SCML4: variants seen among roughly 807,000 people sequenced by gnomAD.
The protein encoded by SCML4 is Scm polycomb group protein like 4, also known as sex comb on midleg-like protein 4.
A neutral mutation model predicts 41.1 loss-of-function variants in SCML4; 34 were observed. The ratio of observed to expected loss-of-function variants is 0.83; its 90% confidence interval spans 0.63 to 1.10. The LOEUF is 1.10. Ranked by LOEUF, SCML4 falls within the 50% of genes least tolerant of loss-of-function variation. The probability of loss-of-function intolerance (pLI) is 0.00; values close to 1 mark genes in which losing one functional copy is unlikely to be tolerated. For missense variants in SCML4, 522 were observed against 534.1 expected (o/e 0.98, Z 0.22); for synonymous variants, 214 against 220.9 (o/e 0.97, Z 0.28).
intron 5 of SCML4, among the ~76,000 whole-genome samples, chr6:107,739,383 A>G (rs1249761652): frequency 6.6e-6 from 1 of 151,590 alleles, no homozygotes; most frequent in South Asian, 2.1e-4. Flanking sequence ...CTTTTTTTCT[A>G]CCAAAAACAT....
At chr6:107,739,499 G>A (rs1458483207) in intron 5 of SCML4, among the ~76,000 whole-genome samples, 1 of 151,960 alleles carries the variant, frequency 6.6e-6, no homozygotes, top group Admixed American at 6.6e-5. Context: ...AGCCCTTTAG[G>A]TGCATGGCAC....
At chr6:107,839,406 A>G in the SCML4 span, among the ~76,000 whole-genome samples, 1 of 146,582 alleles carries the variant, frequency 6.8e-6, no homozygotes, top group Non-Finnish European at 1.5e-5. Flanking sequence ...AGAAAGAAAG[A>G]AAGAGGAAGA....
chr6:107,776,592 C>T (rs1780970066), intron 1 of SCML4, among the ~76,000 whole-genome samples: 1 of 152,174 alleles, frequency 6.6e-6, no homozygotes, highest in South Asian at 2.1e-4. Context: ...TGGTGAGGGG[C>T]TGATGCAATG....
At chr6:107,840,456 T>C in the SCML4 span, among the ~76,000 whole-genome samples, 5 of 152,350 alleles carry the variant, frequency 3.3e-5, no homozygotes, top group South Asian at 8.3e-4. Context: ...TAACCTATGA[T>C]AGCTGAAACA....
intron 1 of SCML4, among the ~76,000 whole-genome samples, chr6:107,781,574 A>C (rs1472914212): frequency 2.0e-5 from 3 of 151,990 alleles, no homozygotes; most frequent in Admixed American, 6.6e-5. Context: ...TGGAGCCTGG[A>C]AAGTTGACAC....
At chr6:107,825,390 G>A (rs1785212213), upstream of SCML4, among the ~76,000 whole-genome samples, 1 of 152,182 alleles carries the variant, frequency 6.6e-6, no homozygotes, top group South Asian at 2.1e-4. Flanking sequence ...ACAACTTGAG[G>A]TTTCTCTAAA....
intron 1 of SCML4, among the ~76,000 whole-genome samples, chr6:107,813,318 G>A (rs1015595185): frequency 1.4e-5 from 2 of 143,824 alleles, no homozygotes; most frequent in African/African-American, 5.3e-5. Context: ...AGCTGAGATC[G>A]TGCTACTACA....
intron 1 of SCML4, among the ~76,000 whole-genome samples, chr6:107,818,741 G>T (rs1049231336): frequency 9.8e-5 from 15 of 152,336 alleles, no homozygotes; most frequent in African/African-American, 3.6e-4. Flanking sequence ...TTTCTCTTCG[G>T]TTCTTCCTTT....
intron 1 of SCML4, among the ~76,000 whole-genome samples, chr6:107,776,739 G>C (rs749187933): frequency 2.6e-5 from 4 of 152,128 alleles, no homozygotes; most frequent in Non-Finnish European, 4.4e-5. Flanking sequence ...CCTAAAAAAA[G>C]AATCTGACAA....
At chr6:107,782,593 C>T (rs1781593192) in intron 1 of SCML4, among the ~76,000 whole-genome samples, 1 of 152,262 alleles carries the variant, frequency 6.6e-6, no homozygotes, top group African/African-American at 2.4e-5. Context: ...TGTTGTTCCC[C>T]TAGTTCCTGT....
intron 2 of SCML4, among the ~76,000 whole-genome samples, chr6:107,760,202 G>A (rs950497611): frequency 2.6e-5 from 4 of 152,122 alleles, no homozygotes; most frequent in Non-Finnish European, 5.9e-5. Context: ...CTGGTAAGAT[G>A]GAAAACTGGT....
At chr6:107,803,478 G>C (rs1480503380) in intron 1 of SCML4, among the ~76,000 whole-genome samples, 1 of 148,862 alleles carries the variant, frequency 6.7e-6, no homozygotes, top group Non-Finnish European at 1.5e-5. Context: ...GGTGAGGGGC[G>C]CCTCTGCCCG....
intron 2 of SCML4, among the ~76,000 whole-genome samples, chr6:107,753,217 G>C (rs1353023327): frequency 6.6e-6 from 1 of 152,084 alleles, no homozygotes; most frequent in Non-Finnish European, 1.5e-5. Flanking sequence ...TGGAACCCTT[G>C]AGCACTATTG....
At chr6:107,745,750 AT>A in intron 4 of SCML4, 1 of 152,440 alleles carries the variant, frequency 6.6e-6, no homozygotes, top group Non-Finnish European at 1.5e-5. Flanking sequence ...TAATCCCAGC[AT>A]TTGGGAGGCA....
At chr6:107,755,322 T>A (rs1174120186) in intron 2 of SCML4, among the ~76,000 whole-genome samples, 2 of 152,192 alleles carry the variant, frequency 1.3e-5, no homozygotes, top group African/African-American at 4.8e-5. Context: ...CGAGCAACTA[T>A]GGGTAGTATA....
chr6:107,817,091 T>C (rs1240359946), intron 1 of SCML4, among the ~76,000 whole-genome samples: 1 of 152,222 alleles, frequency 6.6e-6, no homozygotes, highest in Non-Finnish European at 1.5e-5. Context: ...GCTGGGTCTT[T>C]GGTCCAATGG....
chr6:107,825,344 C>T (rs565850463), upstream of SCML4, among the ~76,000 whole-genome samples: 99 of 152,296 alleles, frequency 6.5e-4, no homozygotes, highest in Middle Eastern at 3.4e-3. Flanking sequence ...AGGCCACAAC[C>T]TGGCCAGTTA....
At chr6:107,736,826 C>T (rs1164489800) in intron 5 of SCML4, among the ~76,000 whole-genome samples, 1 of 152,126 alleles carries the variant, frequency 6.6e-6, no homozygotes, top group African/African-American at 2.4e-5. Flanking sequence ...TGTTCTGGTG[C>T]CTGCTCAAAG....
At chr6:107,771,491 T>G (rs1265236251) in intron 2 of SCML4, among the ~76,000 whole-genome samples, 1 of 152,182 alleles carries the variant, frequency 6.6e-6, no homozygotes, top group East Asian at 1.9e-4. Flanking sequence ...TGAGTTTGAG[T>G]TGGTTTATGA....
Sources: gnomAD v4.1 joint callset for allele counts (sites outside exome capture counted in the v4.1 genomes callset) on GRCh38, gnomAD v4.1.1 for gene constraint, MANE v1.5 for transcripts, NCBI Gene and HGNC (gene_info 2026-07-23, HGNC 2026-07-21) for gene names.